SOX5: variants seen among roughly 807,000 people sequenced by gnomAD.
SOX5 encodes transcription factor SOX-5.
Under a neutral mutation model 92.0 loss-of-function variants are expected in SOX5, and 9 were observed. The ratio of observed to expected loss-of-function variants is 0.10; its 90% CI spans 0.06 to 0.17. SOX5 has a LOEUF of 0.17. Ranked by LOEUF, SOX5 falls within the 10% of genes least tolerant of loss-of-function variation. The pLI is 1.00. For synonymous variants in SOX5, 344 were observed against 336.3 expected (o/e 1.02, Z -0.25); for missense variants, 642 against 944.5 (o/e 0.68, Z 4.20).
chr12:24,171,103 T>C (rs988463053), intron 4 of SOX5, among the ~76,000 whole-genome samples: 2 of 151,458 alleles, frequency 1.3e-5, no homozygotes, highest in Middle Eastern at 3.4e-3. Flanking sequence ...CCCTACTTAT[T>C]TTACTCTAAG....
At chr12:24,480,266 A>T (rs1201186111) in intron 1 of SOX5, among the ~76,000 whole-genome samples, 2 of 152,224 alleles carry the variant, frequency 1.3e-5, no homozygotes, top group African/African-American at 2.4e-5. Flanking sequence ...AATCAAAATG[A>T]ATTGAAGGCT....
At chr12:23,938,558 C>T (rs767690131) in intron 1 of SOX5, among the ~76,000 whole-genome samples, 4 of 150,922 alleles carry the variant, frequency 2.7e-5, no homozygotes, top group African/African-American at 9.7e-5. Context: ...GATTCATTTT[C>T]GTGATTATGC....
chr12:24,295,118 T>TTATAAGTATATATGAGTAAA (rs765345116), intron 2 of SOX5, among the ~76,000 whole-genome samples: 28,436 of 147,448 alleles, frequency 0.19, 3,017 homozygotes, highest in African/African-American at 0.23. Flanking sequence ...AAATAAATTT[T>TTATAAGTATATATGAGTAAA]TATAAGTATA....
intron 1 of SOX5, among the ~76,000 whole-genome samples, chr12:24,542,298 T>A (rs982576208): frequency 4.6e-5 from 7 of 152,202 alleles, no homozygotes; most frequent in African/African-American, 1.4e-4. Flanking sequence ...TCCACCTAGT[T>A]GGCCCTTAGT....
chr12:24,134,533 A>G (rs1949942624), intron 4 of SOX5, among the ~76,000 whole-genome samples: 1 of 152,108 alleles, frequency 6.6e-6, no homozygotes, highest in Non-Finnish European at 1.5e-5. Flanking sequence ...TTTATAACAC[A>G]TGCACACACA....
At chr12:24,048,869 A>G (rs1354664928) in intron 4 of SOX5, among the ~76,000 whole-genome samples, 2 of 152,186 alleles carry the variant, frequency 1.3e-5, no homozygotes, top group Non-Finnish European at 2.9e-5. Flanking sequence ...TTTCTAGGAA[A>G]AATAAGGAGT....
At chr12:24,027,316 T>A (rs1224968627) in intron 4 of SOX5, among the ~76,000 whole-genome samples, 1 of 151,988 alleles carries the variant, frequency 6.6e-6, no homozygotes, top group East Asian at 1.9e-4. Context: ...CTCCTGACTC[T>A]AGACTACCAT....
rs1237521540 is a variant in SOX5, at chr12:23,531,581, AACAAAG to A, written c.*2632_*2637del. On this transcript the variant is annotated 3_prime_UTR_variant, in exon 15 of 15. Transcript: ENST00000451604. ...CCACATAAATCGGAAGGAATTTGTT[AACAAAG>A]ACAGAGAACAAATTTTTTAAAAATC... 3 of 152,212 alleles carry A rather than the reference AACAAAG, an allele frequency of 2.0e-5. No individual in the cohort carries two copies. Among genetic ancestry groups the A allele is most frequent in the Admixed American group, 1.3e-4 (2 of 15,280 alleles). 9.4% of individuals were successfully genotyped at this position (152,212 alleles called of 1,614,324 possible).
chr12:23,822,640 T>C (rs2096142783), intron 3 of SOX5, among the ~76,000 whole-genome samples: 1 of 152,200 alleles, frequency 6.6e-6, no homozygotes, highest in Non-Finnish European at 1.5e-5. Context: ...TAGGTCTGCT[T>C]GGTCCAGAGC....
chr12:23,904,928 T>C (rs1250926544), intron 1 of SOX5, among the ~76,000 whole-genome samples: 1 of 152,036 alleles, frequency 6.6e-6, no homozygotes, highest in Non-Finnish European at 1.5e-5. Flanking sequence ...AAGTCAGAGA[T>C]GGAGGGGAGG....
At chr12:24,004,394 C>A (rs891489448) in intron 4 of SOX5, among the ~76,000 whole-genome samples, 1 of 151,188 alleles carries the variant, frequency 6.6e-6, no homozygotes, top group East Asian at 1.9e-4. Flanking sequence ...GTACTTGAAT[C>A]CCAGATGAAG....
intron 7 of SOX5, among the ~76,000 whole-genome samples, chr12:23,648,554 AACAGATTAGG>A (rs2081165169): frequency 6.6e-6 from 1 of 152,172 alleles, no homozygotes; most frequent in Non-Finnish European, 1.5e-5. Context: ...TTATAAGCAG[AACAGATTAGG>A]ACACAAACAA....
At chr12:23,730,714 AAAACCCGTTC>A (rs1448085644) in intron 6 of SOX5, among the ~76,000 whole-genome samples, 2 of 152,218 alleles carry the variant, frequency 1.3e-5, no homozygotes, top group Non-Finnish European at 2.9e-5. Context: ...GCAATTAAAT[AAAACCCGTTC>A]ACTTGCAGAT....
At chr12:24,404,988 AAAG>A (rs1228547392) in intron 1 of SOX5, among the ~76,000 whole-genome samples, 8 of 152,156 alleles carry the variant, frequency 5.3e-5, no homozygotes, top group Non-Finnish European at 1.0e-4. Context: ...AGAGCTACAG[AAAG>A]AAGACAGCCA....
At chr12:24,303,396 C>A (rs1948214295) in intron 2 of SOX5, among the ~76,000 whole-genome samples, 1 of 152,130 alleles carries the variant, frequency 6.6e-6, no homozygotes, top group South Asian at 2.1e-4. Flanking sequence ...TATTTGACCA[C>A]TGAAAAATGT....
intron 3 of SOX5, among the ~76,000 whole-genome samples, chr12:23,794,000 A>T (rs1244041712): frequency 6.6e-6 from 1 of 152,184 alleles, no homozygotes; most frequent in South Asian, 2.1e-4. Context: ...GTTTTGTTAC[A>T]GATAAACCTA....
chr12:23,970,840 A>ATATATATATATATAT, intron 4 of SOX5, among the ~76,000 whole-genome samples: 48 of 33,434 alleles, frequency 1.4e-3, no homozygotes, highest in Non-Finnish European at 1.5e-3. Context: ...ATATATATAT[A>ATATATATATATATAT]ATTTTTTTTT....
chr12:24,148,393 G>A (rs1380903652), intron 4 of SOX5, among the ~76,000 whole-genome samples: 1 of 149,132 alleles, frequency 6.7e-6, no homozygotes, highest in Non-Finnish European at 1.5e-5. Flanking sequence ...TACTCAGGAA[G>A]CTGAGGCAGG....
At chr12:23,754,724 G>C (rs73282072) in intron 4 of SOX5, among the ~76,000 whole-genome samples, 185 of 151,864 alleles carry the variant, frequency 1.2e-3, no homozygotes, top group African/African-American at 4.2e-3. Flanking sequence ...AAAGCCTTAA[G>C]AGAGAAAATT....
Sources: gnomAD v4.1 joint callset for allele counts (sites outside exome capture counted in the v4.1 genomes callset) on GRCh38, gnomAD v4.1.1 for gene constraint, MANE v1.5 for transcripts, NCBI Gene and HGNC (gene_info 2026-07-23, HGNC 2026-07-21) for gene names.